Variants in GNG7 observed in about 807,000 individuals in gnomAD.
GNG7 encodes guanine nucleotide-binding protein G(I)/G(S)/G(O) subunit gamma-7.
A neutral mutation model predicts 4.0 loss-of-function variants in GNG7; 1 was observed. That is an observed-to-expected ratio of 0.25 (90% CI 0.09 to 1.18). The LOEUF is 1.18. Ranked by LOEUF, GNG7 falls within the 50% of genes most tolerant of loss-of-function variation. GNG7 has a pLI of 0.50. For synonymous variants in GNG7, 34 were observed against 36.9 expected (o/e 0.92, Z 0.29); for missense variants, 86 against 91.9 (o/e 0.94, Z 0.26).
At chr19:2,636,449 A>G (rs1982310119) in intron 2 of GNG7, among the ~76,000 whole-genome samples, 1 of 152,110 alleles carries the variant, frequency 6.6e-6, no homozygotes, top group African/African-American at 2.4e-5. Context: ...TGGTGGGGAC[A>G]AGCCAGGGTC....
chr19:2,660,280 A>C (rs1326841541), intron 1 of GNG7, among the ~76,000 whole-genome samples: 1 of 152,214 alleles, frequency 6.6e-6, no homozygotes, highest in African/African-American at 2.4e-5. Context: ...GGCTCTGTGT[A>C]ATTCTCCCTG....
At chr19:2,601,922 CAG>C (rs2144812579) in intron 2 of GNG7, among the ~76,000 whole-genome samples, 1 of 151,434 alleles carries the variant, frequency 6.6e-6, no homozygotes, top group African/African-American at 2.4e-5. Flanking sequence ...AAAGAGAAGA[CAG>C]GGGAGGGGAG....
intron 1 of GNG7, among the ~76,000 whole-genome samples, chr19:2,669,301 C>G (rs969661803): frequency 6.6e-6 from 1 of 152,062 alleles, no homozygotes; most frequent in African/African-American, 2.4e-5. Context: ...ACCAGCCTGA[C>G]CAACATGGTG....
intron 3 of GNG7, among the ~76,000 whole-genome samples, chr19:2,544,724 C>G (rs1979069484): frequency 6.6e-6 from 1 of 152,116 alleles, no homozygotes; most frequent in Non-Finnish European, 1.5e-5. Context: ...GTGGGTGATT[C>G]AGCCCCGCCA....
At chr19:2,538,983 G>A (rs1177838174) in intron 3 of GNG7, among the ~76,000 whole-genome samples, 2 of 151,982 alleles carry the variant, frequency 1.3e-5, no homozygotes, top group Non-Finnish European at 2.9e-5. Context: ...GTGTTAGCCA[G>A]GATGGTCTCG....
intron 2 of GNG7, among the ~76,000 whole-genome samples, chr19:2,590,204 G>A (rs1000363289): frequency 3.3e-5 from 5 of 151,914 alleles, no homozygotes. Context: ...TTATCCAGGT[G>A]GATTTTTCAA....
At chr19:2,596,135 G>T (rs1024606753) in intron 2 of GNG7, among the ~76,000 whole-genome samples, 1 of 152,140 alleles carries the variant, frequency 6.6e-6, no homozygotes, top group Non-Finnish European at 1.5e-5. Flanking sequence ...GAGGCGGGCG[G>T]ATCACCTGAG....
At chr19:2,662,252 T>C (rs1457813464) in intron 1 of GNG7, among the ~76,000 whole-genome samples, 2 of 107,820 alleles carry the variant, frequency 1.9e-5, no homozygotes, top group African/African-American at 3.7e-5. Flanking sequence ...AGAGCGAGAC[T>C]CCATCTCAAA....
At chr19:2,578,472 G>A (rs1183646444) in intron 2 of GNG7, among the ~76,000 whole-genome samples, 1 of 152,198 alleles carries the variant, frequency 6.6e-6, no homozygotes, top group East Asian at 1.9e-4. Context: ...AACAGAAAAC[G>A]GTGCTCCAGC....
At chr19:2,564,588 A>C (rs1979844806) in intron 2 of GNG7, among the ~76,000 whole-genome samples, 1 of 152,080 alleles carries the variant, frequency 6.6e-6, no homozygotes, top group South Asian at 2.1e-4. Flanking sequence ...CAGACAAACA[A>C]ACACCAAGAA....
intron 1 of GNG7, among the ~76,000 whole-genome samples, chr19:2,651,299 TA>T (rs1358526340): frequency 9.2e-5 from 4 of 43,690 alleles, no homozygotes; most frequent in African/African-American, 3.2e-4. Context: ...CCTCCCTCCC[TA>T]CCTTCCCTCC....
intron 2 of GNG7, among the ~76,000 whole-genome samples, chr19:2,600,180 A>T (rs905163450): frequency 6.6e-6 from 1 of 151,946 alleles, no homozygotes; most frequent in Non-Finnish European, 1.5e-5. Flanking sequence ...TTACAAGTTA[A>T]CATAATCCCA....
At chr19:2,627,723 G>A (rs1982056110) in intron 2 of GNG7, among the ~76,000 whole-genome samples, 1 of 152,224 alleles carries the variant, frequency 6.6e-6, no homozygotes. Flanking sequence ...AACACCGGCA[G>A]CTGACTCAGC....
At chr19:2,595,851 G>C (rs1454915813) in intron 2 of GNG7, among the ~76,000 whole-genome samples, 2 of 152,128 alleles carry the variant, frequency 1.3e-5, no homozygotes, top group East Asian at 3.8e-4. Flanking sequence ...TGTAGGAAAA[G>C]TCTAGGGAGT....
intron 1 of GNG7, among the ~76,000 whole-genome samples, chr19:2,695,594 G>A (rs551372266): frequency 6.6e-6 from 1 of 151,826 alleles, no homozygotes; most frequent in African/African-American, 2.4e-5. Flanking sequence ...GGAGGTGGAT[G>A]GAGCCAAGTG....
intron 1 of GNG7, among the ~76,000 whole-genome samples, chr19:2,654,046 C>T (rs1342276313): frequency 1.3e-5 from 2 of 151,892 alleles, no homozygotes; most frequent in Middle Eastern, 3.2e-3. Context: ...CTCGCTGTGG[C>T]GGGGGCGGGG....
chr19:2,573,737 G>A (rs1041536124), intron 2 of GNG7, among the ~76,000 whole-genome samples: 11 of 152,124 alleles, frequency 7.2e-5, no homozygotes, highest in African/African-American at 2.7e-4. Context: ...CAGCTACTCG[G>A]GAGGCTGAGG....
At chr19:2,523,339 T>G (rs914593796) in intron 3 of GNG7, among the ~76,000 whole-genome samples, 2 of 150,714 alleles carry the variant, frequency 1.3e-5, no homozygotes, top group Non-Finnish European at 3.0e-5. Context: ...ATCACTTGAG[T>G]CCAGGAGTTT....
At chr19:2,572,938 C>T (rs1042611644) in intron 2 of GNG7, among the ~76,000 whole-genome samples, 3 of 151,590 alleles carry the variant, frequency 2.0e-5, no homozygotes, top group Non-Finnish European at 4.4e-5. Flanking sequence ...AAACCCCGTC[C>T]GCATTAGCAG....
Sources: gnomAD v4.1 joint callset for allele counts (sites outside exome capture counted in the v4.1 genomes callset) on GRCh38, gnomAD v4.1.1 for gene constraint, MANE v1.5 for transcripts, NCBI Gene and HGNC (gene_info 2026-07-23, HGNC 2026-07-21) for gene names.